OR4Q3: variants seen among roughly 807,000 people sequenced by gnomAD.
OR4Q3 encodes olfactory receptor 4Q3.
A neutral mutation model predicts 18.8 loss-of-function variants in OR4Q3; 17 were observed. The ratio of observed to expected loss-of-function variants is 0.91; its 90% CI spans 0.62 to 1.36. The LOEUF (loss-of-function observed/expected upper bound fraction) is 1.36. Among genes scored for constraint, OR4Q3 ranks in the 40% most tolerant of loss-of-function variants. The pLI, the probability that OR4Q3 is intolerant of heterozygous loss-of-function variation, is 0.00. For synonymous variants in OR4Q3, 158 were observed against 145.8 expected (o/e 1.08, Z -0.60); for missense variants, 378 against 373.4 (o/e 1.01, Z -0.10).
At chr14:19,745,575 T>C in intron 1 of OR4Q3, among the ~76,000 whole-genome samples, 2 of 152,166 alleles carry the variant, frequency 1.3e-5, no homozygotes, top group Non-Finnish European at 2.9e-5. Context: ...AAAATAACTT[T>C]GGTTTCTCTT....
chr14:19,744,530 T>A (rs1877387051), intron 1 of OR4Q3, among the ~76,000 whole-genome samples: 1 of 152,192 alleles, frequency 6.6e-6, no homozygotes, highest in African/African-American at 2.4e-5. Flanking sequence ...ACAAGTAGCC[T>A]TTGATATTTA....
chr14:19,743,590 G>A (rs1293251792), exon 1 of OR4Q3: 1 of 152,476 alleles, frequency 6.6e-6, no homozygotes, highest in African/African-American at 2.4e-5. Context: ...GCTGGCCTGA[G>A]GCTGAAGAGA....
exon 2 of OR4Q3, chr14:19,748,696 A>G: frequency 1.2e-3 from 319 of 271,226 alleles, no homozygotes; most frequent in Non-Finnish European, 1.5e-3. Context: ...TCCACTTTTT[A>G]ATCTATTCAA....
At chr14:19,744,970 AC>A in intron 1 of OR4Q3, among the ~76,000 whole-genome samples, 1 of 152,140 alleles carries the variant, frequency 6.6e-6, no homozygotes, top group Non-Finnish European at 1.5e-5. Flanking sequence ...ATGTTACTAA[AC>A]CTAAAAGGGA....
In OR4Q3 at chr14:19,747,669, A is replaced by T; in HGVS notation, c.266A>T (p.Lys89Met). The T allele has an allele frequency of 1.2e-5, 20 of 1,613,934 alleles. No individual in the cohort carries two copies. Among genetic ancestry groups the T allele is most frequent in the Non-Finnish European group, 1.7e-5 (20 of 1,179,960 alleles). ...TGCCTGAGCTGTGTTACTGTGCCAA[A>T]GATGTTAGGGGATTTCCTACAGCAG... is the stretch of plus-strand genomic sequence containing the variant. Residue 89 changes from lysine (K) to methionine (M), a missense_variant, in exon 2 of 2, where the codon AAG (lysine) becomes ATG (methionine). Physicochemically the swap from Lys to Met is moderately conservative, Grantham distance 95. Transcript: ENST00000642117.
At chr14:19,751,977 G>A, downstream of OR4Q3, among the ~76,000 whole-genome samples, 183 of 152,280 alleles carry the variant, frequency 1.2e-3, no homozygotes, top group African/African-American at 4.3e-3. Flanking sequence ...CAAAGTGCAG[G>A]AAGATGAAGC....
chr14:19,749,128 A>G, exon 2 of OR4Q3: 2 of 152,424 alleles, frequency 1.3e-5, no homozygotes, highest in Non-Finnish European at 2.9e-5. Flanking sequence ...ACTGACCATA[A>G]TGTTTAAGAG....
At chr14:19,746,039 T>C in intron 1 of OR4Q3, among the ~76,000 whole-genome samples, 1 of 152,210 alleles carries the variant, frequency 6.6e-6, no homozygotes, top group South Asian at 2.1e-4. Context: ...GAAAGTTTTG[T>C]TGTCATTAGA....
At chr14:19,751,626 T>C, downstream of OR4Q3, among the ~76,000 whole-genome samples, 1 of 152,138 alleles carries the variant, frequency 6.6e-6, no homozygotes, top group Non-Finnish European at 1.5e-5. Context: ...TAGAAGATTG[T>C]GTTGTTCCAG....
At chr14:19,751,482 T>G, downstream of OR4Q3, among the ~76,000 whole-genome samples, 1 of 152,236 alleles carries the variant, frequency 6.6e-6, no homozygotes, top group South Asian at 2.1e-4. Context: ...ATATGTCTGG[T>G]AGAATTCAAC....
intron 1 of OR4Q3, among the ~76,000 whole-genome samples, chr14:19,745,356 T>C: frequency 1.5e-3 from 227 of 152,256 alleles, no homozygotes; most frequent in Middle Eastern, 0.01. Context: ...TATTTAATTT[T>C]AATATTGTCT....
chr14:19,751,016 A>G, downstream of OR4Q3, among the ~76,000 whole-genome samples: 1 of 152,268 alleles, frequency 6.6e-6, no homozygotes, highest in Non-Finnish European at 1.5e-5. Context: ...GGCATGTTTC[A>G]AGGACATAGA....
intron 1 of OR4Q3, among the ~76,000 whole-genome samples, chr14:19,744,989 A>G: frequency 9.2e-5 from 14 of 152,168 alleles, no homozygotes; most frequent in Non-Finnish European, 1.3e-4. Flanking sequence ...GGAGCTTTCT[A>G]TATTGTTTAG....
chr14:19,746,723 C>A, intron 1 of OR4Q3, among the ~76,000 whole-genome samples: 3 of 152,186 alleles, frequency 2.0e-5, no homozygotes, highest in Non-Finnish European at 4.4e-5. Flanking sequence ...TTCAATCCTT[C>A]CTAAATGATT....
chr14:19,750,089 A>T, downstream of OR4Q3, among the ~76,000 whole-genome samples: 1 of 151,660 alleles, frequency 6.6e-6, no homozygotes, highest in Admixed American at 6.6e-5. Context: ...GGTTCAAGTG[A>T]TCCTCTTGCC....
At chr14:19,745,196 G>T in intron 1 of OR4Q3, among the ~76,000 whole-genome samples, 1 of 152,194 alleles carries the variant, frequency 6.6e-6, no homozygotes, top group African/African-American at 2.4e-5. Context: ...CCTAGGAACT[G>T]TCCAGAATAT....
chr14:19,749,915 T>C, downstream of OR4Q3, among the ~76,000 whole-genome samples: 42 of 132,440 alleles, frequency 3.2e-4, no homozygotes, highest in East Asian at 7.5e-3. Flanking sequence ...TCTTTTTTCT[T>C]TCTTTCTTTC....
exon 2 of OR4Q3, chr14:19,747,611 T>C: frequency 6.2e-7 from 1 of 1,614,042 alleles, no homozygotes; most frequent in Non-Finnish European, 8.5e-7. Context: ...TCCTATGTAT[T>C]ATTTTTTAGG....
chr14:19,747,730 G>A, exon 2 of OR4Q3: 3 of 1,613,840 alleles, frequency 1.9e-6, no homozygotes, highest in South Asian at 1.1e-5. Flanking sequence ...GCCTGGCCCA[G>A]ATCTACTTCC....
Sources: gnomAD v4.1 joint callset for allele counts (sites outside exome capture counted in the v4.1 genomes callset) on GRCh38, gnomAD v4.1.1 for gene constraint, MANE v1.5 for transcripts, NCBI Gene and HGNC (gene_info 2026-07-23, HGNC 2026-07-21) for gene names.